The following GLIS1 variants were observed in gnomAD, a reference collection of about 807,000 sequenced individuals.
The protein encoded by GLIS1 is GLIS family zinc finger 1.
A neutral mutation model predicts 63.8 loss-of-function variants in GLIS1; 24 were observed. The ratio of observed to expected loss-of-function variants is 0.38; its 90% CI spans 0.27 to 0.53. The LOEUF is 0.53. Ranked by LOEUF, GLIS1 falls within the 20% of genes least tolerant of loss-of-function variation. The pLI is 0.85. For synonymous variants in GLIS1, 450 were observed against 482.5 expected (o/e 0.93, Z 0.88); for missense variants, 1,036 against 1,074.1 (o/e 0.96, Z 0.50).
chr1:53,559,284 CA>C (rs1644861901), intron 4 of GLIS1, among the ~76,000 whole-genome samples: 1 of 152,188 alleles, frequency 6.6e-6, no homozygotes, highest in Admixed American at 6.5e-5. Flanking sequence ...GAGTGGAAGG[CA>C]CCAGGGCCTC....
At chr1:53,720,684 C>T (rs1256254079) in intron 2 of GLIS1, among the ~76,000 whole-genome samples, 3 of 152,244 alleles carry the variant, frequency 2.0e-5, no homozygotes, top group Admixed American at 2.0e-4. Flanking sequence ...TGATAGATGT[C>T]CCAATTGCCC....
intron 2 of GLIS1, among the ~76,000 whole-genome samples, chr1:53,620,867 C>A (rs1557485522): frequency 6.6e-6 from 1 of 152,316 alleles, no homozygotes; most frequent in East Asian, 1.9e-4. Flanking sequence ...ACACCGTATC[C>A]AGATCTCAGT....
chr1:53,529,425 G>A (rs555552175), intron 5 of GLIS1, among the ~76,000 whole-genome samples: 2 of 152,206 alleles, frequency 1.3e-5, no homozygotes, highest in African/African-American at 2.4e-5. Context: ...ACAGGAAGGC[G>A]AATGTGCTCT....
intron 4 of GLIS1, among the ~76,000 whole-genome samples, chr1:53,564,012 C>T (rs570390140): frequency 9.9e-5 from 15 of 152,282 alleles, no homozygotes; most frequent in African/African-American, 3.4e-4. Flanking sequence ...AAAGAATAAG[C>T]TTCAGGAAGA....
chr1:53,533,014 G>A (rs896739650), intron 4 of GLIS1, among the ~76,000 whole-genome samples: 7 of 152,254 alleles, frequency 4.6e-5, no homozygotes, highest in African/African-American at 7.2e-5. Flanking sequence ...CGCTCCACGC[G>A]TGATCTGCAG....
In GLIS1 at chr1:53,514,997, C is replaced by T. The variant is rs374913236; in HGVS notation, c.1727-216G>A. Among the ~76,000 whole-genome samples, 60 of 152,154 alleles carry T rather than the reference C, an allele frequency of 3.9e-4. 1 individual carries two copies. Among genetic ancestry groups the T allele is most frequent in the African/African-American group, 1.3e-3 (54 of 41,484 alleles). On this transcript the variant is annotated intron_variant, in intron 7 of 10. Coordinates refer to ENST00000628545, the MANE Select transcript of GLIS1 (RefSeq NM_001367484.1). ...CAGGCCCTGGCTAAAGGGCTGTGTC[C>T]AGGGCTGGGGCTCACCCTGATAGCA...
Position 53,738,003 on chromosome 1 carries a change from G to C in GLIS1, c.62C>G (p.Pro21Arg). Residue 21 changes from proline (P) to arginine (R), a missense_variant, in exon 2 of 11, where the codon CCC (proline) becomes CGC (arginine). Coordinates refer to ENST00000628545, the MANE Select transcript of GLIS1 (RefSeq NM_001367484.1). ...GCTGGCGGGGCCGCGGTCGGGGCCG[G>C]GCGCACCAGGGGCCTCCTTAGGCCT... The part of the protein sequence containing the change: ...DKRPKEAPGA[P>R]GPDRGPASLG... 8.1e-7 allele frequency: 1 copy of C among 1,230,670 alleles called. No individual in the cohort carries two copies. The highest frequency in any genetic ancestry group is 1.0e-6 in the Non-Finnish European group (1 of 987,276). The allele number at this position is 1,230,670 out of a possible 1,614,324, so 76.2% of individuals were successfully genotyped here.
At chr1:53,714,882 ACACAAGTTTT>A (rs1038837398) in intron 2 of GLIS1, among the ~76,000 whole-genome samples, 3 of 152,058 alleles carry the variant, frequency 2.0e-5, no homozygotes, top group African/African-American at 4.8e-5. Context: ...TCCTTCTTAA[ACACAAGTTTT>A]CACTCTTTTC....
At chr1:53,564,220 G>A (rs12076641) in intron 4 of GLIS1, among the ~76,000 whole-genome samples, 8,446 of 152,196 alleles carry the variant, frequency 0.055, 614 homozygotes, top group African/African-American at 0.16. Context: ...ATGATTAAGA[G>A]GCAGTGCCCT....
At chr1:53,619,958 C>A (rs1355086340) in intron 2 of GLIS1, among the ~76,000 whole-genome samples, 1 of 152,180 alleles carries the variant, frequency 6.6e-6, no homozygotes, top group Non-Finnish European at 1.5e-5. Context: ...GCTGCTGCCT[C>A]CTAAAGGTGG....
chr1:53,738,482 C>G lies in GLIS1; in HGVS notation c.-42-376G>C, dbSNP rs76825425. Among the ~76,000 whole-genome samples, 915 of 152,292 alleles carry G rather than the reference C, an allele frequency of 6.0e-3. 11 individuals carry two copies. The highest frequency in any genetic ancestry group is 0.021 in the African/African-American group (889 of 41,564). ...CAGTGGAACACGGAGCCGGCGGCAACGAGGATTCCCAGAGCAGGGCTCGGG... is the reference window on the plus strand; with the variant it reads ...CAGTGGAACACGGAGCCGGCGGCAAGGAGGATTCCCAGAGCAGGGCTCGGG... On this transcript the variant is annotated intron_variant, in intron 1 of 10. Coordinates refer to ENST00000628545, the MANE Select transcript of GLIS1 (RefSeq NM_001367484.1).
At chr1:53,663,338 C>T (rs868305399) in intron 2 of GLIS1, among the ~76,000 whole-genome samples, 6 of 152,394 alleles carry the variant, frequency 3.9e-5, no homozygotes, top group Middle Eastern at 3.4e-3. Context: ...GTGAACCAAA[C>T]CCATATCAGA....
At chr1:53,643,914 C>T (rs1488881824) in intron 2 of GLIS1, among the ~76,000 whole-genome samples, 2 of 152,176 alleles carry the variant, frequency 1.3e-5, no homozygotes, top group East Asian at 3.9e-4. Context: ...AGATGAGGCT[C>T]GGAGCCAGGG....
chr1:53,661,214 T>C lies in GLIS1; in HGVS notation c.260-60936A>G, dbSNP rs1570005468. 3.3e-5 allele frequency among the ~76,000 whole-genome samples: 5 copies of C among 151,890 alleles called. No individual in the cohort carries two copies. In the Middle Eastern group the frequency reaches 0.014, roughly 413 times the overall value. ...GTTGGGAGGACAGGTAAGCAAACGG[T>C]TAGTGACAGAAAAGGCCCTCACCCA... is the stretch of plus-strand genomic sequence containing the variant. On this transcript the variant is annotated intron_variant, in intron 2 of 10. Transcript: ENST00000628545.
intron 2 of GLIS1, among the ~76,000 whole-genome samples, chr1:53,671,755 A>T (rs1462493249): frequency 6.6e-6 from 1 of 152,204 alleles, no homozygotes; most frequent in Non-Finnish European, 1.5e-5. Context: ...TGCACTTTAT[A>T]TGTTATTTCA....
intron 2 of GLIS1, among the ~76,000 whole-genome samples, chr1:53,731,321 G>A (rs543359644): frequency 3.0e-4 from 45 of 152,344 alleles, no homozygotes; most frequent in African/African-American, 1.0e-3. Context: ...GCCCTACGGA[G>A]GCAGAGTATC....
At chr1:53,671,077 C>T (rs1269101589) in intron 2 of GLIS1, among the ~76,000 whole-genome samples, 1 of 152,136 alleles carries the variant, frequency 6.6e-6, no homozygotes, top group Non-Finnish European at 1.5e-5. Context: ...TGCATGTGGA[C>T]AGAGGTCAGA....
At chr1:53,577,568 C>A (rs1339197247) in intron 4 of GLIS1, among the ~76,000 whole-genome samples, 1 of 152,156 alleles carries the variant, frequency 6.6e-6, no homozygotes, top group African/African-American at 2.4e-5. Context: ...AAAGCAGGGT[C>A]CAGCCCCTAT....
intron 2 of GLIS1, among the ~76,000 whole-genome samples, chr1:53,730,319 A>C (rs1646847873): frequency 6.6e-6 from 1 of 152,178 alleles, no homozygotes. Flanking sequence ...CAGGGTTGGA[A>C]AGTTGGCAAA....
Sources: gnomAD v4.1 joint callset for allele counts (sites outside exome capture counted in the v4.1 genomes callset) on GRCh38, gnomAD v4.1.1 for gene constraint, MANE v1.5 for transcripts, NCBI Gene and HGNC (gene_info 2026-07-23, HGNC 2026-07-21) for gene names.